The following KIR2DL1 variants were observed in gnomAD, a reference collection of about 807,000 sequenced individuals.
KIR2DL1 encodes the protein killer cell immunoglobulin-like receptor 2DL1.
KIR2DL1 carries 38 observed loss-of-function variants against 33.9 expected under a neutral mutation model. That is an observed-to-expected ratio of 1.12 (90% CI 0.86 to 1.47). The LOEUF is 1.47. Ranked by LOEUF, KIR2DL1 falls within the 40% of genes most tolerant of loss-of-function variation. KIR2DL1 has a pLI of 0.00. For missense variants in KIR2DL1, 531 were observed against 433.9 expected, an observed-to-expected ratio of 1.22 and a Z score of -1.99; for synonymous variants, 179 against 165.9, an observed-to-expected ratio of 1.08 and a Z score of -0.61.
intron 3 of KIR2DL1, among the ~76,000 whole-genome samples, chr19:54,774,733 C>A (rs1654637): frequency 0.13 from 16,185 of 128,604 alleles, 1 homozygote; most frequent in South Asian, 0.2. Context: ...GATAGATAGA[C>A]AATTGATGGA....
At position 54,769,890 on chromosome 19, in the gene KIR2DL1, T is replaced by C. The variant is rs1319767181; in HGVS notation, c.34+6T>C. The C allele has an allele frequency of 1.9e-6, 3 of 1,567,542 alleles. No homozygotes were observed. The highest frequency in any genetic ancestry group is 2.6e-6 in the Non-Finnish European group (3 of 1,145,708). On this transcript the variant is annotated splice_donor_region_variant and intron_variant, in intron 1 of 7. Transcript: ENST00000336077. ...CGTCAGCATGGCGTGTGTTGGTGAG[T>C]CCTGGAAAGCAATAGAGGGAGGGAG...
chr19:54,777,004 C>T (rs1345291500), intron 4 of KIR2DL1, among the ~76,000 whole-genome samples: 7 of 151,666 alleles, frequency 4.6e-5, no homozygotes, highest in Non-Finnish European at 8.8e-5. Flanking sequence ...AATTTACACT[C>T]CTCCCAACAG....
At chr19:54,782,664 C>A (rs1488820636) in intron 5 of KIR2DL1, among the ~76,000 whole-genome samples, 1 of 151,968 alleles carries the variant, frequency 6.6e-6, no homozygotes, top group Non-Finnish European at 1.5e-5. Flanking sequence ...GCCCAACCTC[C>A]CACAGTGGGG....
Position 54,770,936 on chromosome 19 carries a change from T to C in KIR2DL1, c.70+52T>C. 3.8e-6 allele frequency: 6 copies of C among 1,569,908 alleles called. No homozygotes were observed. In the South Asian group the frequency reaches 5.6e-5, roughly 15 times the overall value. On this transcript the variant is annotated intron_variant, in intron 2 of 7. Transcript: ENST00000336077. ...GTCATCTCCCCACATAAGAGGATTTTCCTGAAATGGGAGGGAAGTCCTGTC... is the reference window on the plus strand; with the variant it reads ...GTCATCTCCCCACATAAGAGGATTTCCCTGAAATGGGAGGGAAGTCCTGTC...
In KIR2DL1 at chr19:54,773,599, G is replaced by C. The variant is rs200458736; in HGVS notation, c.337G>C (p.Ala113Pro). ...SVTHSPYQVS[A>P]PSDPLDIVII... ...TACTCACTCCCCCTATCAGGTGTCA[G>C]CTCCCAGTGACCCTCTGGACATCGT... The change falls in exon 3 of 8, where the codon GCT becomes CCT. Residue 113 changes from alanine (A) to proline (P), a missense_variant. Physicochemically the swap from Ala to Pro is conservative, Grantham distance 27 (BLOSUM62 -1). Transcript: ENST00000336077. The C allele has an allele frequency of 4.2e-5, 66 of 1,578,208 alleles. 7 individuals carry two copies. Among genetic ancestry groups the C allele is most frequent in the Non-Finnish European group, 5.6e-5 (65 of 1,151,966 alleles).
At chr19:54,780,564 A>G (rs1315452117) in intron 5 of KIR2DL1, among the ~76,000 whole-genome samples, 7 of 144,838 alleles carry the variant, frequency 4.8e-5, no homozygotes, top group African/African-American at 1.8e-4. Context: ...CTACATGATT[A>G]ATATGACTGA....
At chr19:54,772,843 G>A (rs1418252811) in intron 2 of KIR2DL1, among the ~76,000 whole-genome samples, 1 of 145,110 alleles carries the variant, frequency 6.9e-6, no homozygotes, top group African/African-American at 2.5e-5. Flanking sequence ...CCAGCACCAG[G>A]AGCCAGCCTA....
Position 54,773,596 on chromosome 19 carries a change from T to C in KIR2DL1, c.334T>C (p.Ser112Pro), listed in dbSNP as rs2076009193. 10 of 1,578,854 alleles carry C rather than the reference T, an allele frequency of 6.3e-6. 1 individual carries two copies. The East Asian group carries it at 2.2e-4, about 35-fold the overall frequency. Residue 112 changes from serine to proline, a missense_variant, in exon 3 of 8, where the codon TCA becomes CCA. Coordinates refer to ENST00000336077, the MANE Select transcript of KIR2DL1 (RefSeq NM_014218.3). ...TGTTACTCACTCCCCCTATCAGGTG[T>C]CAGCTCCCAGTGACCCTCTGGACAT... is the stretch of plus-strand genomic sequence containing the variant. ...GSVTHSPYQV[S>P]APSDPLDIVI... is the part of the protein sequence containing the mutation.
intron 6 of KIR2DL1, 60 bp downstream of exon 6, chr19:54,783,083 G>T (rs2077223059): frequency 6.5e-7 from 1 of 1,547,018 alleles, no homozygotes; most frequent in Non-Finnish European, 8.9e-7. Context: ...CAGGATGGGA[G>T]CACTCAGGTG....
At position 54,783,488 on chromosome 19, in the gene KIR2DL1, G is replaced by C; in HGVS notation, c.820G>C (p.Ala274Pro). 6.2e-7 allele frequency: 1 copy of C among 1,613,442 alleles called. No individual in the cohort carries two copies. The highest frequency in any genetic ancestry group is 8.5e-7 in the Non-Finnish European group (1 of 1,179,638). ...LHRWCSNKKNAAVMDQESAGN... is the reference protein window; with the variant it reads ...LHRWCSNKKNPAVMDQESAGN... ...TTGTTGACTTCCATCTTCTACAGAT[G>C]CTGCGGTAATGGACCAAGAGTCTGC... The change falls in exon 7 of 8, where the codon GCT becomes CCT. Residue 274 changes from alanine to proline, a missense_variant and splice_region_variant. Coordinates refer to ENST00000336077, the MANE Select transcript of KIR2DL1 (RefSeq NM_014218.3).
intron 1 of KIR2DL1, 23 bp downstream of exon 1, chr19:54,769,907 G>A: frequency 6.4e-7 from 1 of 1,560,834 alleles, no homozygotes; most frequent in Non-Finnish European, 8.8e-7. Flanking sequence ...AAGCAATAGA[G>A]GGAGGGAGTG....
chr19:54,772,448 GGTTA>G (rs2075848007), intron 2 of KIR2DL1, among the ~76,000 whole-genome samples: 1 of 145,562 alleles, frequency 6.9e-6, no homozygotes, highest in South Asian at 2.2e-4. Flanking sequence ...AATTGGAAGG[GGTTA>G]GTGTGCTCTC....
intron 4 of KIR2DL1, among the ~76,000 whole-genome samples, chr19:54,777,631 CTT>C (rs1034569749): frequency 1.8e-4 from 27 of 148,290 alleles, no homozygotes; most frequent in Non-Finnish European, 3.0e-4. Flanking sequence ...TGTCTCTTCA[CTT>C]TGTTGGTTTA....
At chr19:54,770,175 A>ATT (rs2075502017) in intron 1 of KIR2DL1, among the ~76,000 whole-genome samples, 1 of 110,870 alleles carries the variant, frequency 9.0e-6, no homozygotes, top group African/African-American at 3.6e-5. Context: ...ATGGGCCTGG[A>ATT]GGTGGAGATA....
rs2076216490 is a variant in KIR2DL1 at position 54,775,423 on chromosome 19, C to G, written c.629C>G (p.Ser210Ter). Reference sequence around the variant, plus strand: ...TTCCATGACTCTCCATACGAGTGGTCAAAGTCAAGTGACCCACTGCTTGTT... The same window carrying G: ...TTCCATGACTCTCCATACGAGTGGTGAAAGTCAAGTGACCCACTGCTTGTT... ...GSFHDSPYEW[S>*]KSSDPLLVSV... Residue 210 changes from serine to a stop codon, truncating the protein, a stop_gained, in exon 4 of 8, where the codon TCA becomes TGA. Transcript: ENST00000336077. LOFTEE classifies it high-confidence loss of function. 1.1e-5 allele frequency: 17 copies of G among 1,584,576 alleles called. No homozygotes were observed. In the South Asian group the frequency reaches 1.8e-4, roughly 17 times the overall value.
At chr19:54,780,076 A>C (rs2076777943) in intron 5 of KIR2DL1, 1 of 505,702 alleles carries the variant, frequency 2.0e-6, no homozygotes, top group Non-Finnish European at 3.5e-6. Context: ...TTCTTTTTGT[A>C]TATTTTTTGT....
intron 4 of KIR2DL1, among the ~76,000 whole-genome samples, chr19:54,778,254 A>G (rs1356463694): frequency 6.7e-6 from 1 of 149,660 alleles, no homozygotes; most frequent in Non-Finnish European, 1.5e-5. Context: ...GCAAGACTCC[A>G]TCTCAAAAGA....
intron 4 of KIR2DL1, 151 bp from the exon 5 acceptor site, chr19:54,778,461 A>AT (rs2076597809): frequency 1.3e-6 from 1 of 785,846 alleles, no homozygotes; most frequent in African/African-American, 1.8e-5. Context: ...AGTGGGTGTC[A>AT]TATAAAAAAA....
At chr19:54,775,568 C>G (rs2076232749) in intron 4 of KIR2DL1, 110 bp downstream of exon 4, 3 of 1,340,632 alleles carry the variant, frequency 2.2e-6, no homozygotes, top group Non-Finnish European at 1.0e-6. Context: ...GAAGACGCAG[C>G]CTCGGTGTGA....
Sources: allele counts gnomAD v4.1 joint callset (sites outside exome capture counted in the v4.1 genomes callset), GRCh38; gene constraint gnomAD v4.1.1; transcripts MANE v1.5; gene names NCBI Gene and HGNC (gene_info 2026-07-23, HGNC 2026-07-21).